The following TXLNA variants were observed in gnomAD, a reference collection of about 807,000 sequenced individuals.
TXLNA encodes the protein alpha-taxilin.
TXLNA carries 9 observed loss-of-function variants against 61.4 expected under a neutral mutation model. The ratio of observed to expected loss-of-function variants is 0.15; its 90% CI spans 0.09 to 0.26. The LOEUF is 0.26. TXLNA is among the 10% of genes least tolerant of loss of function. TXLNA has a pLI of 1.00. For missense variants in TXLNA, 565 were observed against 688.8 expected, an observed-to-expected ratio of 0.82 and a Z score of 2.01; for synonymous variants, 257 against 267.7, an observed-to-expected ratio of 0.96 and a Z score of 0.39.
intron 9 of TXLNA, among the ~76,000 whole-genome samples, 191 bp downstream of exon 9, chr1:32,193,491 G>GC (rs1179838965): frequency 6.6e-6 from 1 of 151,916 alleles, no homozygotes; most frequent in African/African-American, 2.4e-5. Context: ...AGGGAATGGG[G>GC]CAGTCTTTTC....
At position 32,188,106 on chromosome 1, in the gene TXLNA, G is replaced by C. The variant is rs759190901; in HGVS notation, c.750G>C (p.Arg250=). 1 of 1,565,600 alleles carries C rather than the reference G, an allele frequency of 6.4e-7. No individual in the cohort carries two copies. Among genetic ancestry groups the C allele is most frequent in the East Asian group, 2.4e-5 (1 of 42,506 alleles). Residue 250 remains arginine (R), a synonymous_variant, in exon 5 of 11, where the codon CGG becomes CGC. Transcript: ENST00000373610. ...KLESLCRELQ[R]HNRSLKEEGV... is the part of the protein sequence containing the mutation. Reference sequence around the variant, plus strand: ...AGAGCCTATGCCGTGAGCTGCAGCGGCACAACCGCTCCCTCAAGGTAGGCC... The same window carrying C: ...AGAGCCTATGCCGTGAGCTGCAGCGCCACAACCGCTCCCTCAAGGTAGGCC...
chr1:32,191,241 C>G (rs2124157625), intron 6 of TXLNA, among the ~76,000 whole-genome samples: 1 of 152,302 alleles, frequency 6.6e-6, no homozygotes, highest in South Asian at 2.1e-4. Context: ...CCTGCAGCCC[C>G]CTTACAGGGC....
intron 4 of TXLNA, among the ~76,000 whole-genome samples, chr1:32,186,584 G>A (rs1642793749): frequency 6.6e-6 from 1 of 152,110 alleles, no homozygotes; most frequent in Non-Finnish European, 1.5e-5. Flanking sequence ...GAGAGTTGAG[G>A]GTGTAAGAAA....
chr1:32,189,351 A>T (rs1569617915), intron 5 of TXLNA, among the ~76,000 whole-genome samples: 2 of 152,272 alleles, frequency 1.3e-5, no homozygotes, highest in Admixed American at 1.3e-4. Context: ...AAAAGTGTTG[A>T]GTGCCTAATT....
rs1642945287 is a variant in TXLNA, at chr1:32,193,265, G to A, written c.1216G>A (p.Glu406Lys). ...CCAGAACACACTTTCCAAAAGCAGC[G>A]AGGTATTCACCACATTCAAGCAGGA... ...EFQNTLSKSS[E>K]VFTTFKQEME... Residue 406 changes from glutamate to lysine, a missense_variant, in exon 9 of 11, where the codon GAG becomes AAG. Transcript: ENST00000373610. 2 of 1,613,710 alleles carry A rather than the reference G, an allele frequency of 1.2e-6. No individual in the cohort carries two copies. The highest frequency in any genetic ancestry group is 2.2e-5 in the East Asian group (1 of 44,808).
chr1:32,184,646 C>T, intron 4 of TXLNA, 30 bp downstream of exon 4: 5 of 1,533,246 alleles, frequency 3.3e-6, no homozygotes, highest in Non-Finnish European at 4.5e-6. Context: ...GGCACCTTCC[C>T]TGCGTTGGGA....
intron 4 of TXLNA, among the ~76,000 whole-genome samples, chr1:32,186,664 T>C (rs1211566440): frequency 6.6e-6 from 1 of 152,172 alleles, no homozygotes; most frequent in Non-Finnish European, 1.5e-5. Flanking sequence ...TTGGAGGTCC[T>C]ATAGGGTAAG....
At chr1:32,181,192 G>A in intron 2 of TXLNA, 50 bp from the exon 3 acceptor site, 1 of 1,441,074 alleles carries the variant, frequency 6.9e-7, no homozygotes, top group South Asian at 1.5e-5. Context: ...CCCAACCAGT[G>A]GTATAATCGT....
Position 32,196,029 on chromosome 1 carries a change from T to C in TXLNA, c.*834T>C, listed in dbSNP as rs1051213067. On this transcript the variant is annotated 3_prime_UTR_variant, in exon 11 of 11. Coordinates refer to ENST00000373610, the MANE Select transcript of TXLNA (RefSeq NM_175852.4). The stretch of plus-strand genomic sequence containing the variant: ...TTTTTTGCACATGACAGTGTTTGTA[T>C]TGAGGACCTTCCAAGGAAGAGGGAT... The C allele has an allele frequency of 1.0e-5, 2 of 193,988 alleles. No individual in the cohort carries two copies. The highest frequency in any genetic ancestry group is 2.4e-5 in the African/African-American group (1 of 41,336). 12.0% of individuals were successfully genotyped at this position (193,988 alleles called of 1,614,324 possible). A position where few individuals can be genotyped will look rare whatever the true frequency, so the allele number is the denominator to read the frequency against.
chr1:32,181,493 A>G lies in TXLNA; in HGVS notation c.421A>G (p.Asn141Asp), dbSNP rs148832083. Residue 141 changes from asparagine (N) to aspartate (D), a missense_variant, in exon 3 of 11, where the codon AAC becomes GAC. Physicochemically the swap from Asn to Asp is conservative, Grantham distance 23 (BLOSUM62 1). This residue lies in a region of TXLNA where 192 missense variants were observed against 184.8 expected (regional missense o/e 1.04). Coordinates refer to ENST00000373610, the MANE Select transcript of TXLNA (RefSeq NM_175852.4). ...GAAGGAACCCTCCAAGGGGGATCCA[A>G]ACACAGAAGAGATCCGGCAGAGTGA... Reference protein sequence around the residue: ...GEKEPSKGDPNTEEIRQSDEV... With the variant: ...GEKEPSKGDPDTEEIRQSDEV... The G allele has an allele frequency of 9.2e-5, 148 of 1,610,056 alleles. No individual in the cohort carries two copies. Among genetic ancestry groups the G allele is most frequent in the Middle Eastern group, 3.3e-4 (2 of 6,076 alleles).
rs918585735 is a variant in TXLNA, at chr1:32,195,751, C to T, written c.*556C>T. 4.4e-6 allele frequency: 2 copies of T among 456,314 alleles called. No individual in the cohort carries two copies. The highest frequency in any genetic ancestry group is 1.4e-4 in the East Asian group (2 of 14,384). The allele number at this position is 456,314 out of a possible 1,614,324, so 28.3% of individuals were successfully genotyped here. On this transcript the variant is annotated 3_prime_UTR_variant, in exon 11 of 11. Transcript: ENST00000373610. ...GCAGGGCGCTCAGAGCTGGGGATTT[C>T]CTGCCTGGAACAAGGGACCTGGAGA...
At chr1:32,194,261 G>C (rs1642967020) in intron 10 of TXLNA, 101 bp downstream of exon 10, 1 of 950,362 alleles carries the variant, frequency 1.1e-6, no homozygotes, top group Non-Finnish European at 1.6e-6. Context: ...GCTAGCATGA[G>C]GTAGAGGTGA....
intron 2 of TXLNA, among the ~76,000 whole-genome samples, 164 bp downstream of exon 2, chr1:32,180,678 G>A (rs1305503089): frequency 1.3e-5 from 2 of 152,250 alleles, no homozygotes; most frequent in Admixed American, 1.3e-4. Flanking sequence ...CGAGTTGGCG[G>A]AGCTGCCCCC....
At chr1:32,189,776 C>T (rs865935688) in intron 5 of TXLNA, among the ~76,000 whole-genome samples, 3 of 152,018 alleles carry the variant, frequency 2.0e-5, no homozygotes, top group African/African-American at 2.4e-5. Context: ...CTCCTGACCT[C>T]GTGATCCGCC....
chr1:32,186,437 T>G (rs1390207896), intron 4 of TXLNA, among the ~76,000 whole-genome samples: 2 of 152,138 alleles, frequency 1.3e-5, no homozygotes, highest in African/African-American at 4.8e-5. Flanking sequence ...GCATATGCAT[T>G]GTATTGGGAT....
At chr1:32,193,698 G>A (rs942127273) in intron 9 of TXLNA, among the ~76,000 whole-genome samples, 1 of 152,036 alleles carries the variant, frequency 6.6e-6, no homozygotes, top group Non-Finnish European at 1.5e-5. Context: ...GTGCCACCAT[G>A]CCTGGCTAAT....
At chr1:32,190,819 G>C (rs1355732491) in intron 6 of TXLNA, among the ~76,000 whole-genome samples, 1 of 152,310 alleles carries the variant, frequency 6.6e-6, no homozygotes, top group South Asian at 2.1e-4. Context: ...CAGGCTGGGC[G>C]TGGTGGCTCA....
rs748678332 is a variant in TXLNA, at chr1:32,194,898, C to T, written c.1348-4C>T. 1 of 1,599,584 alleles carries T rather than the reference C, an allele frequency of 6.3e-7. No individual in the cohort carries two copies. Among genetic ancestry groups the T allele is most frequent in the South Asian group, 1.1e-5 (1 of 88,880 alleles). ...GGCACTGAAGGTCTCATTTCTTTCCCTAGAAAACAGTCCGGGATAAAGAAC... is the reference window on the plus strand; with the variant it reads ...GGCACTGAAGGTCTCATTTCTTTCCTTAGAAAACAGTCCGGGATAAAGAAC... On this transcript the variant is annotated splice_polypyrimidine_tract_variant and splice_region_variant and intron_variant, in intron 10 of 10. Coordinates refer to ENST00000373610, the MANE Select transcript of TXLNA (RefSeq NM_175852.4).
intron 10 of TXLNA, among the ~76,000 whole-genome samples, chr1:32,194,673 A>G (rs1416024131): frequency 6.6e-6 from 1 of 152,172 alleles, no homozygotes; most frequent in Non-Finnish European, 1.5e-5. Flanking sequence ...TGCCAAGGTC[A>G]CGTGGTAGAT....
Sources: gnomAD v4.1 joint callset for allele counts (sites outside exome capture counted in the v4.1 genomes callset) on GRCh38, gnomAD v4.1.1 for gene constraint, gnomAD v4.1.1 regional missense constraint, MANE v1.5 for transcripts, NCBI Gene and HGNC (gene_info 2026-07-23, HGNC 2026-07-21) for gene names.